GALNT13: variants seen among roughly 807,000 people sequenced by gnomAD.
The protein encoded by GALNT13 is polypeptide N-acetylgalactosaminyltransferase 13.
In GALNT13, 28 loss-of-function variants were observed where a neutral mutation model predicts 64.2. The observed-to-expected ratio is 0.44, with a 90% CI of 0.32 to 0.60. GALNT13 has a LOEUF of 0.60. GALNT13 is among the 20% of genes least tolerant of loss of function. The probability of loss-of-function intolerance (pLI) is 0.05; values close to 1 mark genes in which losing one functional copy is unlikely to be tolerated. For missense variants in GALNT13, 577 were observed against 669.8 expected, an observed-to-expected ratio of 0.86 and a Z score of 1.53; for synonymous variants, 214 against 224.6, an observed-to-expected ratio of 0.95 and a Z score of 0.42.
At position 154,242,877 on chromosome 2, in the gene GALNT13, C is replaced by G. The variant is rs1689572829; in HGVS notation, c.658C>G (p.Pro220Ala). 1 of 1,614,048 alleles carries G rather than the reference C, an allele frequency of 6.2e-7. No individual in the cohort carries two copies. The highest frequency in any genetic ancestry group is 8.5e-7 in the Non-Finnish European group (1 of 1,179,978). ...TGAATGCACGTTAGGATGGCTGGAG[C>G]CTTTGCTGGCAAGAATAAAGGAAGA... Reference protein sequence around the residue: ...HCECTLGWLEPLLARIKEDRK... With the variant: ...HCECTLGWLEALLARIKEDRK... Residue 220 changes from proline (P) to alanine (A), a missense_variant, in exon 6 of 13, where the codon CCT becomes GCT. Coordinates refer to ENST00000392825, the MANE Select transcript of GALNT13 (RefSeq NM_052917.4).
the GALNT13 span, among the ~76,000 whole-genome samples, chr2:153,320,583 G>T: frequency 6.6e-6 from 1 of 152,112 alleles, no homozygotes; most frequent in East Asian, 1.9e-4. Flanking sequence ...ATTTGCTTAT[G>T]GACTAATTCT....
At chr2:153,383,302 T>C in the GALNT13 span, among the ~76,000 whole-genome samples, 2 of 152,180 alleles carry the variant, frequency 1.3e-5, no homozygotes, top group South Asian at 2.1e-4. Flanking sequence ...TTTCTCGGCA[T>C]CCACATAGCA....
chr2:153,089,138 C>G, the GALNT13 span, among the ~76,000 whole-genome samples: 1 of 152,212 alleles, frequency 6.6e-6, no homozygotes, highest in East Asian at 1.9e-4. Flanking sequence ...ATTTACAACT[C>G]CTTTGAACAT....
chr2:154,432,429 G>A (rs1018721078), intron 11 of GALNT13, among the ~76,000 whole-genome samples: 1 of 152,144 alleles, frequency 6.6e-6, no homozygotes, highest in Admixed American at 6.5e-5. Context: ...ACTTCAACCA[G>A]CATGAGGAGG....
the GALNT13 span, among the ~76,000 whole-genome samples, chr2:153,231,350 G>T: frequency 6.6e-6 from 1 of 152,098 alleles, no homozygotes; most frequent in Non-Finnish European, 1.5e-5. Context: ...CCTTTTCTGG[G>T]GAGAGTTTAC....
intron 3 of GALNT13, among the ~76,000 whole-genome samples, chr2:153,975,461 G>A (rs1347387179): frequency 6.6e-6 from 1 of 151,806 alleles, no homozygotes; most frequent in South Asian, 2.1e-4. Context: ...CTGCACTCAG[G>A]CCTTCTTTTC....
intron 3 of GALNT13, among the ~76,000 whole-genome samples, chr2:154,026,819 ACATCAGT>A (rs1697999843): frequency 1.3e-5 from 2 of 152,150 alleles, no homozygotes; most frequent in South Asian, 4.1e-4. Context: ...TAACAGCTAG[ACATCAGT>A]CTTGAACTTA....
the GALNT13 span, among the ~76,000 whole-genome samples, chr2:153,221,220 G>A: frequency 2.6e-5 from 4 of 152,148 alleles, no homozygotes; most frequent in Non-Finnish European, 4.4e-5. Flanking sequence ...GGCGGAGGTT[G>A]CTGTGAGCCG....
intron 4 of GALNT13, among the ~76,000 whole-genome samples, chr2:154,226,587 CACTT>C (rs1192130650): frequency 3.9e-5 from 6 of 152,062 alleles, no homozygotes; most frequent in African/African-American, 4.8e-5. Flanking sequence ...TTTTAATTGA[CACTT>C]AATTTAGCAG....
At chr2:153,165,717 C>G in the GALNT13 span, among the ~76,000 whole-genome samples, 2 of 152,086 alleles carry the variant, frequency 1.3e-5, no homozygotes, top group East Asian at 3.9e-4. Context: ...TGACACACAT[C>G]GTCTGTGACT....
At chr2:154,283,391 C>A (rs762894115) in intron 8 of GALNT13, among the ~76,000 whole-genome samples, 3 of 151,662 alleles carry the variant, frequency 2.0e-5, no homozygotes, top group Non-Finnish European at 2.9e-5. Context: ...TCTCATTTTT[C>A]TTTATCAATA....
chr2:153,808,359 T>A, the GALNT13 span, among the ~76,000 whole-genome samples: 3 of 152,102 alleles, frequency 2.0e-5, no homozygotes, highest in African/African-American at 7.2e-5. Context: ...AGTATAATTG[T>A]CTTTCTTATT....
chr2:154,010,484 T>C (rs1696558611), intron 3 of GALNT13, among the ~76,000 whole-genome samples: 1 of 152,142 alleles, frequency 6.6e-6, no homozygotes, highest in African/African-American at 2.4e-5. Flanking sequence ...TGTTATTTGG[T>C]TTGCTAGTAT....
chr2:154,284,247 T>C (rs892313926), intron 8 of GALNT13, among the ~76,000 whole-genome samples: 1 of 152,330 alleles, frequency 6.6e-6, no homozygotes, highest in Non-Finnish European at 1.5e-5. Context: ...AAGTTTTTTG[T>C]CCTTTGACCA....
chr2:154,377,485 A>C (rs146528395), intron 9 of GALNT13, among the ~76,000 whole-genome samples: 64 of 152,260 alleles, frequency 4.2e-4, no homozygotes, highest in African/African-American at 1.3e-3. Context: ...CCTCTAACTA[A>C]ATCAAGCCCA....
chr2:154,109,729 A>G (rs1702827379), intron 3 of GALNT13, among the ~76,000 whole-genome samples: 1 of 152,186 alleles, frequency 6.6e-6, no homozygotes, highest in African/African-American at 2.4e-5. Context: ...ATTTAATGAA[A>G]TAATCATATG....
At chr2:153,446,554 T>C in the GALNT13 span, among the ~76,000 whole-genome samples, 1 of 152,210 alleles carries the variant, frequency 6.6e-6, no homozygotes, top group Non-Finnish European at 1.5e-5. Context: ...AAGCAGCAGC[T>C]CTGAACTTCA....
chr2:153,213,255 A>G, the GALNT13 span, among the ~76,000 whole-genome samples: 4 of 152,174 alleles, frequency 2.6e-5, no homozygotes, highest in Non-Finnish European at 5.9e-5. Context: ...GGGTTGTGGA[A>G]TGACCCAGGT....
the GALNT13 span, among the ~76,000 whole-genome samples, chr2:153,188,930 A>G: frequency 6.6e-6 from 1 of 152,164 alleles, no homozygotes; most frequent in Admixed American, 6.5e-5. Context: ...TATTTAGGTT[A>G]TACTATCACT....
Sources: gnomAD v4.1 joint callset for allele counts (sites outside exome capture counted in the v4.1 genomes callset) on GRCh38, gnomAD v4.1.1 for gene constraint, MANE v1.5 for transcripts, NCBI Gene and HGNC (gene_info 2026-07-23, HGNC 2026-07-21) for gene names.